DMD: variants seen among roughly 807,000 people sequenced by gnomAD.
DMD encodes dystrophin, also known as mutant dystrophin.
DMD carries 63 observed loss-of-function variants against 330.1 expected under a neutral mutation model. That is an observed-to-expected ratio of 0.19 (90% CI 0.16 to 0.24). The LOEUF (loss-of-function observed/expected upper bound fraction) is 0.24. Ranked by LOEUF, DMD falls within the 10% of genes least tolerant of loss-of-function variation. DMD has a pLI of 1.00. For synonymous variants in DMD, 1,223 were observed against 959.8 expected, an observed-to-expected ratio of 1.27 and a Z score of -5.07; for missense variants, 3,344 against 2,684.1, an observed-to-expected ratio of 1.25 and a Z score of -5.43.
chrX:31,310,956 T>C (rs943179562), intron 62 of DMD, among the ~76,000 whole-genome samples: 1 of 111,351 alleles, frequency 9.0e-6, no homozygotes, highest in African/African-American at 3.3e-5. Context: ...TTTTGAGTCA[T>C]TATGAGAAAA....
At chrX:32,893,914 T>C (rs1002653343) in intron 2 of DMD, among the ~76,000 whole-genome samples, 2 of 111,018 alleles carry the variant, frequency 1.8e-5, no homozygotes, top group Non-Finnish European at 3.8e-5. Context: ...CTGGCATGTT[T>C]GGGCTTGCTA....
chrX:33,325,996 T>C (rs2054084133), intron 1 of DMD, among the ~76,000 whole-genome samples: 2 of 111,599 alleles, frequency 1.8e-5, no homozygotes, highest in African/African-American at 6.5e-5. Flanking sequence ...CATACCATCA[T>C]AACTAAATAT....
intron 12 of DMD, among the ~76,000 whole-genome samples, chrX:32,610,620 G>A (rs933798466): frequency 9.0e-6 from 1 of 111,287 alleles, no homozygotes; most frequent in Non-Finnish European, 1.9e-5. Flanking sequence ...CCTCTGATCT[G>A]AGCAGAATTT....
At chrX:31,473,161 A>C (rs1235149934) in intron 59 of DMD, among the ~76,000 whole-genome samples, 1 of 105,484 alleles carries the variant, frequency 9.5e-6, no homozygotes, top group East Asian at 3.0e-4. Flanking sequence ...GTTCGAGACC[A>C]GCCTGGCCAA....
intron 18 of DMD, 128 bp downstream of exon 18, chrX:32,517,880 A>T: frequency 2.6e-6 from 2 of 755,694 alleles, no homozygotes; most frequent in South Asian, 4.7e-5. Flanking sequence ...ATATATTTTT[A>T]AGACATATTA....
chrX:31,812,193 G>A (rs2092478586), intron 50 of DMD, among the ~76,000 whole-genome samples: 1 of 109,927 alleles, frequency 9.1e-6, no homozygotes, highest in South Asian at 3.9e-4. Flanking sequence ...GGTGAGTGAA[G>A]TTCAAATTAA....
intron 60 of DMD, among the ~76,000 whole-genome samples, chrX:31,404,075 T>C (rs193071336): frequency 2.7e-5 from 3 of 110,574 alleles, no homozygotes; most frequent in African/African-American, 6.6e-5. Flanking sequence ...CATTTCTTTA[T>C]TGACATACAT....
chrX:32,904,902 A>G (rs17338898), intron 2 of DMD, among the ~76,000 whole-genome samples: 26,734 of 111,197 alleles, frequency 0.24, 2,397 homozygotes, highest in East Asian at 0.45. Context: ...TGTATGATTC[A>G]AGTGACTAGG....
intron 30 of DMD, among the ~76,000 whole-genome samples, chrX:32,409,608 A>G (rs1473697764): frequency 8.9e-6 from 1 of 111,837 alleles, no homozygotes; most frequent in East Asian, 2.8e-4. Context: ...AGCTTTGCCT[A>G]TCAAATTTGC....
chrX:31,963,328 T>A (rs1056741202), intron 45 of DMD, among the ~76,000 whole-genome samples: 3 of 112,251 alleles, frequency 2.7e-5, no homozygotes, highest in African/African-American at 6.5e-5. Flanking sequence ...GCATAGATTA[T>A]ATACTAGTAC....
At chrX:33,122,709 T>C (rs1416629761) in intron 1 of DMD, among the ~76,000 whole-genome samples, 3 of 111,911 alleles carry the variant, frequency 2.7e-5, no homozygotes, top group African/African-American at 9.7e-5. Context: ...GAATATAGAG[T>C]GAAGCGAAGT....
chrX:32,412,261 T>C, intron 29 of DMD: 1 of 981,736 alleles, frequency 1.0e-6, no homozygotes, highest in Non-Finnish European at 1.3e-6. Flanking sequence ...ATTATATAGT[T>C]CAAGAGATTT....
At chrX:32,325,051 G>A (rs1603630770) in intron 41 of DMD, among the ~76,000 whole-genome samples, 1 of 110,986 alleles carries the variant, frequency 9.0e-6, no homozygotes, top group South Asian at 3.7e-4. Flanking sequence ...CTAATTGACT[G>A]TTATATTTAA....
At chrX:32,360,590 C>T (rs1335814364) in intron 37 of DMD, among the ~76,000 whole-genome samples, 1 of 110,224 alleles carries the variant, frequency 9.1e-6, no homozygotes, top group African/African-American at 3.3e-5. Context: ...GAGTTCCAGA[C>T]CAGCCTGGCC....
chrX:31,440,641 T>A (rs2064873938), intron 60 of DMD, among the ~76,000 whole-genome samples: 1 of 112,306 alleles, frequency 8.9e-6, no homozygotes, highest in African/African-American at 3.2e-5. Flanking sequence ...TAGGTAATCA[T>A]AATCATAATA....
chrX:31,121,172 G>T lies in DMD; in HGVS notation c.*747C>A, dbSNP rs780314609. The T allele has an allele frequency of 9.0e-6, 1 of 111,260 alleles. No homozygotes were observed. The highest frequency in any genetic ancestry group is 1.9e-5 in the Non-Finnish European group (1 of 52,985). The allele number at this position is 111,260 out of a possible 1,213,427, so 9.2% of individuals were successfully genotyped here. A position where few individuals can be genotyped will look rare whatever the true frequency, so the allele number is the denominator to read the frequency against. ...CATGAACATTTAAAAAATGGAAAAA[G>T]TCAGTCTATAGAAATTCGTATCTCT... is the stretch of plus-strand genomic sequence containing the variant. On this transcript the variant is annotated 3_prime_UTR_variant, in exon 79 of 79. Transcript: ENST00000357033.
chrX:33,035,234 AT>A (rs2094185166), intron 1 of DMD, among the ~76,000 whole-genome samples: 2 of 111,320 alleles, frequency 1.8e-5, no homozygotes, highest in African/African-American at 6.5e-5. Flanking sequence ...TATTTAAGAG[AT>A]CTGCTCTTCA....
intron 61 of DMD, among the ~76,000 whole-genome samples, chrX:31,342,566 C>T (rs898245838): frequency 3.6e-5 from 4 of 111,086 alleles, no homozygotes; most frequent in Non-Finnish European, 7.6e-5. Context: ...TTATCAAAAC[C>T]TAATATAACA....
At chrX:32,196,822 A>C (rs1366024821) in intron 44 of DMD, among the ~76,000 whole-genome samples, 4 of 108,646 alleles carry the variant, frequency 3.7e-5, no homozygotes, top group African/African-American at 1.3e-4. Flanking sequence ...CGTCTCTACT[A>C]AAAATACAAA....
Sources: allele counts gnomAD v4.1 joint callset (sites outside exome capture counted in the v4.1 genomes callset), GRCh38; gene constraint gnomAD v4.1.1; transcripts MANE v1.5; gene names NCBI Gene and HGNC (gene_info 2026-07-23, HGNC 2026-07-21).